Variants in STRN3 observed in about 807,000 individuals in gnomAD.
The protein encoded by STRN3 is striatin-3.
A neutral mutation model predicts 95.6 loss-of-function variants in STRN3; 29 were observed. The ratio of observed to expected loss-of-function variants is 0.30; its 90% CI spans 0.23 to 0.41. The LOEUF (loss-of-function observed/expected upper bound fraction) is 0.41. Ranked by LOEUF, STRN3 falls within the 10% of genes least tolerant of loss-of-function variation. The pLI, the probability that STRN3 is intolerant of heterozygous loss-of-function variation, is 1.00. For synonymous variants in STRN3, 331 were observed against 357.6 expected, an observed-to-expected ratio of 0.93 and a Z score of 0.84; for missense variants, 890 against 972.1, an observed-to-expected ratio of 0.92 and a Z score of 1.12.
intron 8 of STRN3, among the ~76,000 whole-genome samples, chr14:30,922,285 CCCAAAGTGCTA>C (rs1485232196): frequency 6.6e-6 from 1 of 152,078 alleles, no homozygotes; most frequent in Non-Finnish European, 1.5e-5. Flanking sequence ...TCCTAAGCAT[CCCAAAGTGCTA>C]GGATTGCAGG....
intron 1 of STRN3, among the ~76,000 whole-genome samples, chr14:30,959,673 A>T (rs2139156086): frequency 6.6e-6 from 1 of 152,200 alleles, no homozygotes; most frequent in Admixed American, 6.5e-5. Context: ...AAAAGTACCT[A>T]AAAAAGGCAA....
At chr14:31,008,987 C>T (rs1882841442) in intron 1 of STRN3, among the ~76,000 whole-genome samples, 2 of 151,572 alleles carry the variant, frequency 1.3e-5, no homozygotes, top group African/African-American at 2.4e-5. Context: ...TGCAATGAGC[C>T]GTGATTGTAC....
At chr14:30,930,589 TC>T (rs1218767893) in intron 7 of STRN3, among the ~76,000 whole-genome samples, 1 of 152,172 alleles carries the variant, frequency 6.6e-6, no homozygotes, top group Non-Finnish European at 1.5e-5. Flanking sequence ...TTGAAATTAA[TC>T]TGCTAACTTG....
intron 1 of STRN3, among the ~76,000 whole-genome samples, chr14:31,013,902 A>AGACAGAGTG: frequency 9.1e-6 from 1 of 109,812 alleles, no homozygotes; most frequent in Non-Finnish European, 2.1e-5. Flanking sequence ...TATTATTATT[A>AGACAGAGTG]TTATTATTAT....
At chr14:30,986,484 T>C (rs1881700358) in intron 1 of STRN3, among the ~76,000 whole-genome samples, 1 of 152,200 alleles carries the variant, frequency 6.6e-6, no homozygotes, top group African/African-American at 2.4e-5. Flanking sequence ...AGGACATATT[T>C]GCAAATAAGA....
chr14:30,911,860 G>A (rs1281957994), intron 11 of STRN3, 36 bp from the exon 12 acceptor site: 10 of 1,585,782 alleles, frequency 6.3e-6, no homozygotes, highest in Non-Finnish European at 7.7e-6. Context: ...GGAAGAGAAG[G>A]CAATTAAATA....
At chr14:30,947,398 G>T in intron 4 of STRN3, 135 bp from the exon 5 acceptor site, 1 of 648,602 alleles carries the variant, frequency 1.5e-6, no homozygotes, top group Non-Finnish European at 2.4e-6. Context: ...CTTCTCTACA[G>T]ACTAGTTCCA....
At chr14:31,012,557 T>G (rs1471704795) in intron 1 of STRN3, among the ~76,000 whole-genome samples, 1 of 151,912 alleles carries the variant, frequency 6.6e-6, no homozygotes, top group Non-Finnish European at 1.5e-5. Flanking sequence ...GTGGATCAAC[T>G]TTGGCCTATC....
intron 1 of STRN3, among the ~76,000 whole-genome samples, chr14:30,971,432 T>G (rs1185074121): frequency 6.6e-6 from 1 of 152,172 alleles, no homozygotes; most frequent in Non-Finnish European, 1.5e-5. Context: ...GCTGCAGGAT[T>G]TGAGTCAATA....
At chr14:30,917,812 G>A (rs1896779442) in intron 9 of STRN3, among the ~76,000 whole-genome samples, 2 of 152,006 alleles carry the variant, frequency 1.3e-5, no homozygotes, top group Non-Finnish European at 2.9e-5. Flanking sequence ...ATCTTAAAAG[G>A]GAACAAGATG....
intron 1 of STRN3, among the ~76,000 whole-genome samples, chr14:30,980,570 G>C (rs1031408116): frequency 1.3e-5 from 2 of 151,940 alleles, no homozygotes; most frequent in Admixed American, 1.3e-4. Context: ...ACCACGCCCA[G>C]CTAATCTTTG....
chr14:30,994,303 T>C (rs1186982074), intron 1 of STRN3, among the ~76,000 whole-genome samples: 2 of 152,224 alleles, frequency 1.3e-5, no homozygotes, highest in African/African-American at 2.4e-5. Context: ...AATTTTCATA[T>C]ACTTTAGATA....
At chr14:31,004,898 G>A (rs1882645734) in intron 1 of STRN3, among the ~76,000 whole-genome samples, 1 of 152,084 alleles carries the variant, frequency 6.6e-6, no homozygotes, top group Admixed American at 6.6e-5. Flanking sequence ...GGACATGCCT[G>A]GAAGAACTAA....
At chr14:30,984,254 G>A (rs1881559302) in intron 1 of STRN3, among the ~76,000 whole-genome samples, 1 of 86,822 alleles carries the variant, frequency 1.2e-5, no homozygotes, top group South Asian at 4.6e-4. Context: ...GAAAGAAAAG[G>A]ATGAGGAATT....
At chr14:31,013,961 G>A (rs934423934) in intron 1 of STRN3, among the ~76,000 whole-genome samples, 2 of 142,426 alleles carry the variant, frequency 1.4e-5, no homozygotes, top group African/African-American at 5.7e-5. Flanking sequence ...AGAGTGCAGT[G>A]GTGAGATCAT....
chr14:30,897,896 C>T (rs1896201239), intron 16 of STRN3, among the ~76,000 whole-genome samples: 1 of 152,168 alleles, frequency 6.6e-6, no homozygotes, highest in Non-Finnish European at 1.5e-5. Context: ...TGGTTGGCCT[C>T]CATGACAATA....
intron 1 of STRN3, among the ~76,000 whole-genome samples, chr14:31,013,460 T>G (rs1322018523): frequency 1.3e-5 from 2 of 151,886 alleles, no homozygotes; most frequent in African/African-American, 4.8e-5. Context: ...TTTGCTTTCA[T>G]CTACCTACAT....
chr14:30,946,333 A>T (rs1262220944), intron 5 of STRN3, among the ~76,000 whole-genome samples: 3 of 151,982 alleles, frequency 2.0e-5, no homozygotes, highest in Non-Finnish European at 4.4e-5. Flanking sequence ...GTTTAAGGCC[A>T]GGAGTTTGAG....
chr14:30,911,677 C>G, intron 12 of STRN3, 100 bp downstream of exon 12: 3 of 1,068,542 alleles, frequency 2.8e-6, no homozygotes, highest in Non-Finnish European at 4.0e-6. Flanking sequence ...TACATCTTTT[C>G]TAATACAAAA....
Sources: allele counts gnomAD v4.1 joint callset (sites outside exome capture counted in the v4.1 genomes callset), GRCh38; gene constraint gnomAD v4.1.1; transcripts MANE v1.5; gene names NCBI Gene and HGNC (gene_info 2026-07-23, HGNC 2026-07-21).